The following MYO1C variants were observed in gnomAD, a reference collection of about 807,000 sequenced individuals.
MYO1C encodes the protein unconventional myosin-Ic.
In MYO1C, 104 loss-of-function variants were observed where a neutral mutation model predicts 150.8. The observed-to-expected ratio is 0.69, with a 90% CI of 0.59 to 0.81. MYO1C has a LOEUF of 0.81. Among genes scored for constraint, MYO1C ranks in the 30% least tolerant of loss-of-function variants. The pLI is 0.00. For missense variants in MYO1C, 1,504 were observed against 1,435.0 expected (o/e 1.05, Z -0.78); for synonymous variants, 663 against 579.9 (o/e 1.14, Z -2.06).
At chr17:1,482,756 C>CG (rs1200570535) in intron 4 of MYO1C, 105 bp downstream of exon 4, 1 of 166,390 alleles carries the variant, frequency 6.0e-6, no homozygotes, top group Non-Finnish European at 1.2e-5. Flanking sequence ...CCTCCCCTCC[C>CG]CTCCCACACT....
chr17:1,467,630 C>T, intron 29 of MYO1C, 53 bp from the exon 30 acceptor site: 2 of 1,531,632 alleles, frequency 1.3e-6, no homozygotes, highest in Non-Finnish European at 1.8e-6. Flanking sequence ...CTTGAGGAAC[C>T]CCCGCCCCAC....
intron 25 of MYO1C, chr17:1,469,048 C>T: frequency 9.9e-6 from 3 of 301,988 alleles, no homozygotes; most frequent in South Asian, 9.2e-5. Context: ...TGTCCACTTC[C>T]TACACGAGGC....
In MYO1C at chr17:1,478,753, G is replaced by C. The variant is rs1389291238; in HGVS notation, c.1093-18C>G. On this transcript the variant is annotated intron_variant, in intron 9 of 31. Coordinates refer to ENST00000648651, the MANE Select transcript of MYO1C (RefSeq NM_001080779.2). This position sits in a 1 kb window ranked among gnomAD's most constrained non-coding sequence, Gnocchi z 6.3. ...CTCAGGAGCTGTGGACGCAGCGTGA[G>C]ACAAGGAGATGAATGCCACAGAGCC... 1.2e-6 allele frequency: 2 copies of C among 1,613,082 alleles called. No homozygotes were observed. Among genetic ancestry groups the C allele is most frequent in the East Asian group, 2.2e-5 (1 of 44,904 alleles).
intron 14 of MYO1C, 50 bp from the exon 15 acceptor site, chr17:1,475,082 C>T: frequency 2.0e-6 from 3 of 1,536,790 alleles, no homozygotes; most frequent in South Asian, 1.2e-5. Context: ...CTGAGCCAAG[C>T]CCTCTGCCTG....
At chr17:1,486,511 C>T (rs373388692) in intron 1 of MYO1C, among the ~76,000 whole-genome samples, 1,465 of 126,954 alleles carry the variant, frequency 0.012, 26 homozygotes, top group African/African-American at 0.048. Context: ...TCCCTCCCTC[C>T]TTTTTTTTTC....
At chr17:1,485,257 C>G in intron 1 of MYO1C, 1 of 1,160,368 alleles carries the variant, frequency 8.6e-7, no homozygotes, top group Middle Eastern at 2.7e-4. Flanking sequence ...AAAATGGACA[C>G]CCAGAGTATC....
chr17:1,471,962 G>T lies in MYO1C; in HGVS notation c.1966C>A (p.Arg656Ser). The T allele has an allele frequency of 6.2e-7, 1 of 1,614,108 alleles. No individual in the cohort carries two copies. The highest frequency in any genetic ancestry group is 1.3e-5 in the African/African-American group (1 of 75,076). ...TAGGCAAAGCCGGCTCTGCGCACGCGCAGGTTTTCCAACAGCCCCAGGTAC... is the reference window on the plus strand; with the variant it reads ...TAGGCAAAGCCGGCTCTGCGCACGCTCAGGTTTTCCAACAGCCCCAGGTAC... The part of the protein sequence containing the change: ...VKYLGLLENL[R>S]VRRAGFAYRR... The change falls in exon 19 of 32, where the codon CGC becomes AGC. Residue 656 changes from arginine (R) to serine (S), a missense_variant. Arg to Ser is a moderately radical substitution (Grantham distance 110). Transcript: ENST00000648651.
In MYO1C at chr17:1,474,700, C is replaced by T. The variant is rs1175818600; in HGVS notation, c.1717-10G>A. ...TTGAGCTACACATGGTCTGTGTGGG[C>T]AGAGCCGGGGTCAGGGTGGGGCACA... On this transcript the variant is annotated splice_polypyrimidine_tract_variant and intron_variant, in intron 16 of 31. Coordinates refer to ENST00000648651, the MANE Select transcript of MYO1C (RefSeq NM_001080779.2). The T allele has an allele frequency of 4.3e-6, 7 of 1,613,956 alleles. No individual in the cohort carries two copies. Among genetic ancestry groups the T allele is most frequent in the Non-Finnish European group, 5.9e-6 (7 of 1,179,874 alleles).
chr17:1,479,799 AGT>A lies in MYO1C; in HGVS notation c.907-96_907-95del, dbSNP rs2074479801. The A allele has an allele frequency of 1.2e-6, 1 of 832,754 alleles. No individual in the cohort carries two copies. The allele number at this position is 832,754 out of a possible 1,614,324, so 51.6% of individuals were successfully genotyped here. A position where few individuals can be genotyped will look rare whatever the true frequency, so the allele number is the denominator to read the frequency against. On this transcript the variant is annotated intron_variant, in intron 7 of 31. Transcript: ENST00000648651. The surrounding 1 kb of genome is among the most constrained non-coding windows in gnomAD (Gnocchi z 4.2). Reference sequence around the variant, plus strand: ...ATGGCCATGCAGGGGTGGGTGGTGAAGTGTCGGAGAGAAGGGGCTGGAAGTGG... The same window carrying A: ...ATGGCCATGCAGGGGTGGGTGGTGAAGTCGGAGAGAAGGGGCTGGAAGTGG...
Position 1,471,306 on chromosome 17 carries a change from G to A in MYO1C, c.2052C>T (p.Pro684=), listed in dbSNP as rs1215737865. Residue 684 remains proline, a synonymous_variant, in exon 20 of 32, where the codon CCC becomes CCT. Transcript: ENST00000648651. ...RYKSLCPETW[P]TWAGRPQDGV... ...CATCCTGCGGCCGTCCTGCCCACGT[G>A]GGCCACGTCTCTGGGCACAGTGACT... The A allele has an allele frequency of 5.6e-6, 9 of 1,613,780 alleles. No individual in the cohort carries two copies. Among genetic ancestry groups the A allele is most frequent in the Admixed American group, 1.7e-5 (1 of 59,994 alleles).
rs542518580 is a variant in MYO1C, at chr17:1,478,797, C to T, written c.1093-62G>A. The T allele has an allele frequency of 6.2e-6, 10 of 1,605,646 alleles. No homozygotes were observed. In the African/African-American group the frequency reaches 1.3e-4, roughly 21 times the overall value. On this transcript the variant is annotated intron_variant, in intron 9 of 31. Transcript: ENST00000648651. The surrounding 1 kb of genome is among the most constrained non-coding windows in gnomAD (Gnocchi z 6.3). ...CAGAGCCTGTGCATCCCACCTGCTCCCAGGCTCAGGCAGACCAGGAAGCCG... is the reference window on the plus strand; with the variant it reads ...CAGAGCCTGTGCATCCCACCTGCTCTCAGGCTCAGGCAGACCAGGAAGCCG...
intron 1 of MYO1C, chr17:1,484,951 G>A (rs2074620728): frequency 2.1e-6 from 1 of 465,754 alleles, no homozygotes; most frequent in African/African-American, 2.0e-5. Flanking sequence ...TACACCAGAG[G>A]GGTTCCCCCA....
At chr17:1,480,459 AAAC>A in intron 7 of MYO1C, 65 bp downstream of exon 7, 1 of 1,403,160 alleles carries the variant, frequency 7.1e-7, no homozygotes, top group African/African-American at 1.4e-5. Context: ...AAAAAATAAA[AAAC>A]AAAAAAAAAA....
chr17:1,469,323 C>T (rs74505551), intron 25 of MYO1C: 3 of 580,066 alleles, frequency 5.2e-6, no homozygotes, highest in South Asian at 1.9e-5. Context: ...TACAGTAGAC[C>T]GAGATAAATA....
Position 1,484,368 on chromosome 17 carries a change from C to G in MYO1C, c.76-65G>C, listed in dbSNP as rs551198640. The G allele has an allele frequency of 1.9e-6, 3 of 1,578,012 alleles. No individual in the cohort carries two copies. The African/African-American group carries it at 4.0e-5, about 21-fold the overall frequency. ...GGGGCGGGGCAAGGCCACTTCCCTG[C>G]GCCTGTGGGACTGAGAGGGAACGTA... On this transcript the variant is annotated intron_variant, in intron 1 of 31. Transcript: ENST00000648651.
chr17:1,469,589 C>T lies in MYO1C; in HGVS notation c.2552G>A (p.Cys851Tyr). 6.2e-7 allele frequency: 1 copy of T among 1,613,068 alleles called. No homozygotes were observed. Among genetic ancestry groups the T allele is most frequent in the Admixed American group, 1.7e-5 (1 of 59,964 alleles). Residue 851 changes from cysteine to tyrosine, a missense_variant, in exon 25 of 32, where the codon TGC (cysteine) becomes TAC (tyrosine). Transcript: ENST00000648651. Reference sequence around the variant, plus strand: ...GTATTTCCACACCATGTTCTTTATGCACAACTCCCGCAGAAGCTCTGAGGC... The same window carrying T: ...GTATTTCCACACCATGTTCTTTATGTACAACTCCCGCAGAAGCTCTGAGGC... ...REASELLREL[C>Y]IKNMVWKYCR...
Position 1,476,834 on chromosome 17 carries a change from C to T in MYO1C, c.1574+671G>A, listed in dbSNP as rs568997868. Among the ~76,000 whole-genome samples, 4 of 151,776 alleles carry T rather than the reference C, an allele frequency of 2.6e-5. No homozygotes were observed. The East Asian group carries it at 5.8e-4, about 22-fold the overall frequency. ...AAGGAGGAAGCCAGGCTACTAGTGT[C>T]TTGTTTTTTGTTTTTTTTTTTGGGG... On this transcript the variant is annotated intron_variant, in intron 14 of 31. Coordinates refer to ENST00000648651, the MANE Select transcript of MYO1C (RefSeq NM_001080779.2).
rs2074587251 is a variant in MYO1C, at chr17:1,483,688, T to C, written c.269A>G (p.Tyr90Cys). The C allele has an allele frequency of 1.9e-6, 3 of 1,613,132 alleles. No homozygotes were observed. The highest frequency in any genetic ancestry group is 2.5e-6 in the Non-Finnish European group (3 of 1,179,704). ...CCGGCTGTAGATCTGCAGGTCCCGG[T>C]AGGGATTGACAGAGACCAGGACGGG... is the stretch of plus-strand genomic sequence containing the variant. ...IGPVLVSVNP[Y>C]RDLQIYSRQH... Residue 90 changes from tyrosine to cysteine, a missense_variant, in exon 3 of 32, where the codon TAC becomes TGC. Physicochemically the swap from Tyr to Cys is radical, Grantham distance 194. Transcript: ENST00000648651.
In MYO1C at chr17:1,482,496, A is replaced by C; in HGVS notation, c.609T>G (p.Asp203Glu). The change falls in exon 5 of 32, where the codon GAT (aspartate) becomes GAG (glutamate). Residue 203 changes from aspartate to glutamate, a missense_variant. By Grantham distance (45) the Asp-to-Glu change is conservative. Transcript: ENST00000648651. ...ATGGTACCTTGAAGTCAAACTGCACATCCATGTACTTCCCGAACCTGCTGG... is the reference window on the plus strand; with the variant it reads ...ATGGTACCTTGAAGTCAAACTGCACCTCCATGTACTTCCCGAACCTGCTGG... ...DNSSRFGKYMDVQFDFKGAPV... is the reference protein window; with the variant it reads ...DNSSRFGKYMEVQFDFKGAPV... 3 of 1,613,998 alleles carry C rather than the reference A, an allele frequency of 1.9e-6. No homozygotes were observed. The South Asian group carries it at 3.3e-5, about 18-fold the overall frequency.
Sources: gnomAD v4.1 joint callset for allele counts (sites outside exome capture counted in the v4.1 genomes callset) on GRCh38, gnomAD v4.1.1 for gene constraint, Gnocchi (gnomAD v3.1) non-coding constraint, MANE v1.5 for transcripts, NCBI Gene and HGNC (gene_info 2026-07-23, HGNC 2026-07-21) for gene names.